Variants in TBL1X observed in about 807,000 individuals in gnomAD.
TBL1X encodes the protein transducin beta like 1 X-linked.
In TBL1X, 10 loss-of-function variants were observed where a neutral mutation model predicts 50.7. The ratio of observed to expected loss-of-function variants is 0.20; its 90% CI spans 0.12 to 0.33. TBL1X has a LOEUF of 0.33. Among genes scored for constraint, TBL1X ranks in the 10% least tolerant of loss-of-function variants. TBL1X has a pLI of 1.00. For synonymous variants in TBL1X, 190 were observed against 214.7 expected, an observed-to-expected ratio of 0.88 and a Z score of 1.01; for missense variants, 340 against 504.4, an observed-to-expected ratio of 0.67 and a Z score of 3.12.
chrX:9,691,725 G>GAAT lies in TBL1X; in HGVS notation c.749+14_749+15insAAT. On this transcript the variant is annotated intron_variant, in intron 8 of 17. Transcript: ENST00000645353. The stretch of plus-strand genomic sequence containing the variant: ...GCTAGCCTCCGGGTAAGGATGTCAG[G>GAAT]GTGGGGGGCGCTCCAGAGTTGGGGA... The GAAT allele has an allele frequency of 2.6e-6, 3 of 1,136,858 alleles. No individual in the cohort carries two copies. The highest frequency in any genetic ancestry group is 3.5e-6 in the Non-Finnish European group (3 of 853,422). The allele number at this position is 1,136,858 out of a possible 1,213,427, so 93.7% of individuals were successfully genotyped here. A position where few individuals can be genotyped will look rare whatever the true frequency, so the allele number is the denominator to read the frequency against.
chrX:9,507,574 A>G (rs1185026666), intron 2 of TBL1X, among the ~76,000 whole-genome samples: 1 of 112,435 alleles, frequency 8.9e-6, no homozygotes, highest in Non-Finnish European at 1.9e-5. Context: ...CATTCTTCAC[A>G]GAATTAGGAA....
At chrX:9,697,230 C>A (rs2083136749) in intron 11 of TBL1X, 139 bp from the exon 12 acceptor site, 1 of 732,456 alleles carries the variant, frequency 1.4e-6, no homozygotes, top group Non-Finnish European at 2.0e-6. Flanking sequence ...TGAAACTAGC[C>A]CATAAGGCTC....
chrX:9,547,215 C>T (rs5978329), intron 2 of TBL1X, among the ~76,000 whole-genome samples: 41,511 of 110,602 alleles, frequency 0.38, 5,847 homozygotes, highest in East Asian at 0.55. Context: ...GGGAACCCCT[C>T]CAGGCTGGGC....
chrX:9,510,381 G>A (rs1161286075), intron 2 of TBL1X, among the ~76,000 whole-genome samples: 1 of 112,324 alleles, frequency 8.9e-6, no homozygotes, highest in African/African-American at 3.2e-5. Flanking sequence ...AATCCAAGAA[G>A]TTGGGTGGGG....
chrX:9,698,733 C>T (rs1035514189), intron 12 of TBL1X, among the ~76,000 whole-genome samples: 2 of 111,753 alleles, frequency 1.8e-5, no homozygotes, highest in Admixed American at 1.9e-4. Context: ...GGGAACTCTC[C>T]GGAAATCTAA....
intron 12 of TBL1X, among the ~76,000 whole-genome samples, chrX:9,700,252 G>T (rs1210471179): frequency 8.9e-6 from 1 of 112,532 alleles, no homozygotes; most frequent in Non-Finnish European, 1.9e-5. Context: ...ACCCCGGGGG[G>T]TGAGGCAGGG....
intron 12 of TBL1X, among the ~76,000 whole-genome samples, chrX:9,698,523 T>C (rs1412134253): frequency 8.9e-6 from 1 of 111,879 alleles, no homozygotes; most frequent in Non-Finnish European, 1.9e-5. Context: ...ACTATGCCTG[T>C]GAAGTGTTTT....
In TBL1X at chrX:9,568,732, GTGTC is replaced by G. The variant is rs912824390; in HGVS notation, c.-131+66887_-131+66890del. Among the ~76,000 whole-genome samples the G allele has an allele frequency of 3.3e-4, 36 of 108,244 alleles. 1 individual carries two copies. The highest frequency in any genetic ancestry group is 6.2e-4 in the Non-Finnish European group (32 of 51,506). The allele number at this position is 108,244 out of a possible 115,157, so 94.0% of individuals were successfully genotyped here. A position where few individuals can be genotyped will look rare whatever the true frequency, so the allele number is the denominator to read the frequency against. The stretch of plus-strand genomic sequence containing the variant: ...TGTCTATCTGCAGTGTGCTGTGTGT[GTGTC>G]TGTGTTGTGTGCTGTTTGTGTTGTC... On this transcript the variant is annotated intron_variant, in intron 2 of 17. Transcript: ENST00000645353.
chrX:9,482,878 T>C (rs951229782), intron 1 of TBL1X, among the ~76,000 whole-genome samples: 1 of 111,793 alleles, frequency 8.9e-6, no homozygotes, highest in Admixed American at 9.5e-5. Flanking sequence ...CCCTTAATTA[T>C]TGCATTTCCC....
chrX:9,491,338 A>ATATTTTT (rs1328551249), intron 1 of TBL1X, among the ~76,000 whole-genome samples: 4 of 31,308 alleles, frequency 1.3e-4, no homozygotes, highest in Admixed American at 6.0e-4. Context: ...ATATATATAT[A>ATATTTTT]TTTTTTTTTT....
intron 2 of TBL1X, among the ~76,000 whole-genome samples, chrX:9,505,162 T>G (rs1165902939): frequency 8.9e-6 from 1 of 111,822 alleles, no homozygotes; most frequent in East Asian, 2.8e-4. Context: ...TATTCAACAT[T>G]CTTAAAGAAA....
In TBL1X at chrX:9,717,888, A is replaced by G. The variant is rs1004182537; in HGVS notation, c.*1642A>G. ...TAATTTCTTTGTCTCACAGAAGACT[A>G]GGAGAAAGATCTTTTTTAAATAATC... On this transcript the variant is annotated 3_prime_UTR_variant, in exon 18 of 18. Coordinates refer to ENST00000645353, the MANE Select transcript of TBL1X (RefSeq NM_005647.4). 8.0e-5 allele frequency: 9 copies of G among 112,465 alleles called. No homozygotes were observed. Among genetic ancestry groups the G allele is most frequent in the Non-Finnish European group, 1.3e-4 (7 of 53,318 alleles). The allele number at this position is 112,465 out of a possible 1,213,427, so 9.3% of individuals were successfully genotyped here.
chrX:9,512,200 A>G (rs1391562946), intron 2 of TBL1X, among the ~76,000 whole-genome samples: 1 of 110,640 alleles, frequency 9.0e-6, no homozygotes, highest in Non-Finnish European at 1.9e-5. Flanking sequence ...GATCTTGATG[A>G]CACTGAAATC....
At chrX:9,633,423 A>AGATATGAG (rs749476372) in intron 2 of TBL1X, among the ~76,000 whole-genome samples, 1 of 111,429 alleles carries the variant, frequency 9.0e-6, no homozygotes, top group South Asian at 3.8e-4. Flanking sequence ...TGAGATGGTA[A>AGATATGAG]GATATGAGGA....
chrX:9,661,840 C>T (rs1403662018), intron 5 of TBL1X, among the ~76,000 whole-genome samples: 2 of 111,534 alleles, frequency 1.8e-5, no homozygotes, highest in African/African-American at 6.5e-5. Context: ...TTCTTCAACA[C>T]TTTCTACAGA....
At chrX:9,607,471 C>T (rs186269576) in intron 2 of TBL1X, among the ~76,000 whole-genome samples, 96 of 112,421 alleles carry the variant, frequency 8.5e-4, no homozygotes, top group African/African-American at 2.9e-3. Context: ...CTGGGGCCCC[C>T]AGGGTCCAAA....
intron 5 of TBL1X, among the ~76,000 whole-genome samples, chrX:9,663,642 T>C (rs1374361414): frequency 9.1e-6 from 1 of 109,795 alleles, no homozygotes; most frequent in Non-Finnish European, 1.9e-5. Flanking sequence ...ATGCCAGTAG[T>C]CCCAGCTACT....
chrX:9,638,435 T>G (rs1394382345), intron 2 of TBL1X, among the ~76,000 whole-genome samples: 1 of 112,390 alleles, frequency 8.9e-6, no homozygotes, highest in African/African-American at 3.2e-5. Flanking sequence ...AATGTATTGT[T>G]TCTAGCAATA....
chrX:9,560,907 CAGAGAACTGTGTCATTCTTACCGAAGTG>C (rs1395522636), intron 2 of TBL1X, among the ~76,000 whole-genome samples: 1 of 111,905 alleles, frequency 8.9e-6, no homozygotes. Flanking sequence ...ACGCAAGTCC[CAGAGAACTGTGTCATTCTTACCGAAGTG>C]GCTGATGTAG....
Sources: gnomAD v4.1 joint callset for allele counts (sites outside exome capture counted in the v4.1 genomes callset) on GRCh38, gnomAD v4.1.1 for gene constraint, MANE v1.5 for transcripts, NCBI Gene and HGNC (gene_info 2026-07-23, HGNC 2026-07-21) for gene names.